The following CSMD1 variants were observed in gnomAD, a reference collection of about 807,000 sequenced individuals.
CSMD1 encodes the protein CUB and Sushi multiple domains 1.
A neutral mutation model predicts 417.5 loss-of-function variants in CSMD1; 213 were observed. That is an observed-to-expected ratio of 0.51 (90% CI 0.46 to 0.57). The LOEUF (loss-of-function observed/expected upper bound fraction) is 0.57. CSMD1 is among the 20% of genes least tolerant of loss of function. The pLI is 0.00. For synonymous variants in CSMD1, 2,862 were observed against 1,736.8 expected, an observed-to-expected ratio of 1.65 and a Z score of -16.11; for missense variants, 6,923 against 4,529.7, an observed-to-expected ratio of 1.53 and a Z score of -15.17.
chr8:4,576,147 A>G (rs1374529521), intron 2 of CSMD1, among the ~76,000 whole-genome samples: 1 of 152,262 alleles, frequency 6.6e-6, no homozygotes, highest in Non-Finnish European at 1.5e-5. Flanking sequence ...AATTGCAGAA[A>G]GTATGCAGGA....
At chr8:3,576,724 C>T (rs375350169) in intron 9 of CSMD1, among the ~76,000 whole-genome samples, 2 of 152,194 alleles carry the variant, frequency 1.3e-5, no homozygotes, top group African/African-American at 2.4e-5. Flanking sequence ...CCCTCTTATA[C>T]ACTAATATCT....
Position 4,043,404 on chromosome 8 carries a change from G to T in CSMD1, c.416-11305C>A, listed in dbSNP as rs577657399. On this transcript the variant is annotated intron_variant, in intron 3 of 69. Transcript: ENST00000635120. ...AGCCACACCAATAAACATAGGAAGCGTAAATGACATGAACCTCACACCTGC... is the reference window on the plus strand; with the variant it reads ...AGCCACACCAATAAACATAGGAAGCTTAAATGACATGAACCTCACACCTGC... Among the ~76,000 whole-genome samples, 12 of 152,256 alleles carry T rather than the reference G, an allele frequency of 7.9e-5. No individual in the cohort carries two copies. In the East Asian group the frequency reaches 1.5e-3, roughly 20 times the overall value.
At position 3,215,853 on chromosome 8, in the gene CSMD1, T is replaced by C. The variant is rs146996737; in HGVS notation, c.4673-1162A>G. ...AGCTCTGGAGGAAGAAAAAGAGACCTGATTAACTGTATTTATTCAATATTT... is the reference window on the plus strand; with the variant it reads ...AGCTCTGGAGGAAGAAAAAGAGACCCGATTAACTGTATTTATTCAATATTT... On this transcript the variant is annotated intron_variant, in intron 29 of 69. Coordinates refer to ENST00000635120, the MANE Select transcript of CSMD1 (RefSeq NM_033225.6). 3.1e-3 allele frequency among the ~76,000 whole-genome samples: 475 copies of C among 152,086 alleles called. 4 individuals are homozygous for C. Among genetic ancestry groups the C allele is most frequent in the African/African-American group, 0.011 (440 of 41,542 alleles).
At chr8:3,317,104 C>T (rs1487622167) in intron 23 of CSMD1, among the ~76,000 whole-genome samples, 2 of 152,002 alleles carry the variant, frequency 1.3e-5, no homozygotes, top group Admixed American at 6.6e-5. Flanking sequence ...GAAGAGAGGA[C>T]ACCAGAGAAA....
intron 5 of CSMD1, among the ~76,000 whole-genome samples, chr8:3,847,405 G>C (rs1803580392): frequency 6.6e-6 from 1 of 152,164 alleles, no homozygotes; most frequent in Admixed American, 6.5e-5. Context: ...ACTGCCCAGT[G>C]TGGGGAGGGA....
chr8:3,364,251 C>A (rs968982237), intron 20 of CSMD1, among the ~76,000 whole-genome samples: 2 of 152,150 alleles, frequency 1.3e-5, no homozygotes, highest in African/African-American at 4.8e-5. Flanking sequence ...ACTCCTCTAA[C>A]ATACCTGAAG....
chr8:2,951,997 T>C (rs1045979440), intron 65 of CSMD1, among the ~76,000 whole-genome samples: 5 of 152,218 alleles, frequency 3.3e-5, no homozygotes, highest in Non-Finnish European at 7.3e-5. Context: ...ACAGGAAAAC[T>C]TAACAAAGAT....
intron 1 of CSMD1, among the ~76,000 whole-genome samples, chr8:4,718,678 G>A (rs1442618916): frequency 6.6e-6 from 1 of 151,850 alleles, no homozygotes; most frequent in African/African-American, 2.4e-5. Flanking sequence ...TTTAAACTAA[G>A]AAAGAATTCA....
chr8:3,855,778 G>C (rs1322187730), intron 5 of CSMD1, among the ~76,000 whole-genome samples: 2 of 152,142 alleles, frequency 1.3e-5, no homozygotes, highest in Non-Finnish European at 2.9e-5. Flanking sequence ...GACTTTCTGA[G>C]TAAAGACAAG....
At chr8:4,252,690 T>C (rs1183402897) in intron 3 of CSMD1, among the ~76,000 whole-genome samples, 2 of 152,218 alleles carry the variant, frequency 1.3e-5, no homozygotes, top group Non-Finnish European at 2.9e-5. Context: ...ACCAGTGAAA[T>C]GCTAACAATA....
intron 41 of CSMD1, among the ~76,000 whole-genome samples, chr8:3,140,757 C>T (rs752748922): frequency 9.3e-5 from 14 of 151,342 alleles, no homozygotes; most frequent in Non-Finnish European, 1.8e-4. Context: ...CTAGATTTAA[C>T]GTTTTCAACC....
intron 5 of CSMD1, among the ~76,000 whole-genome samples, chr8:3,881,797 C>T (rs918784899): frequency 6.6e-6 from 1 of 152,050 alleles, no homozygotes; most frequent in African/African-American, 2.4e-5. Context: ...GGAAAGACAG[C>T]TAAGCAAAGG....
At chr8:4,866,770 C>G (rs1376867613) in intron 1 of CSMD1, among the ~76,000 whole-genome samples, 2 of 151,942 alleles carry the variant, frequency 1.3e-5, no homozygotes, top group Non-Finnish European at 2.9e-5. Flanking sequence ...TTATTATAAA[C>G]ACAAGGTAAT....
intron 1 of CSMD1, among the ~76,000 whole-genome samples, chr8:4,857,481 C>T (rs993888939): frequency 3.9e-5 from 6 of 151,928 alleles, no homozygotes; most frequent in East Asian, 3.9e-4. Context: ...TCCAGGAGCT[C>T]GTTTTTTGAA....
intron 30 of CSMD1, among the ~76,000 whole-genome samples, chr8:3,211,065 G>C (rs527363885): frequency 6.6e-6 from 1 of 152,112 alleles, no homozygotes; most frequent in Non-Finnish European, 1.5e-5. Context: ...GTTTTCTTGA[G>C]ATAAGGTATT....
chr8:3,075,492 G>T (rs1813595504), intron 49 of CSMD1, among the ~76,000 whole-genome samples: 1 of 151,372 alleles, frequency 6.6e-6, no homozygotes, highest in South Asian at 2.1e-4. Flanking sequence ...CGTTGGTCAG[G>T]CTGGTCTCGA....
chr8:4,846,262 T>C (rs947259680), intron 1 of CSMD1, among the ~76,000 whole-genome samples: 15 of 152,214 alleles, frequency 9.9e-5, no homozygotes, highest in East Asian at 1.9e-4. Context: ...AATTTGGAAA[T>C]GTGTGAAGTA....
intron 5 of CSMD1, among the ~76,000 whole-genome samples, chr8:3,912,762 T>C (rs74689123): frequency 6.6e-6 from 1 of 152,192 alleles, no homozygotes; most frequent in Non-Finnish European, 1.5e-5. Context: ...TCTGCTCTTG[T>C]AGCTCAAGGT....
chr8:4,354,394 T>G (rs1350300468), intron 3 of CSMD1, among the ~76,000 whole-genome samples: 1 of 152,188 alleles, frequency 6.6e-6, no homozygotes, highest in Admixed American at 6.5e-5. Flanking sequence ...ACTATTAAAA[T>G]ACACCGTTCC....
Sources: allele counts gnomAD v4.1 joint callset (sites outside exome capture counted in the v4.1 genomes callset), GRCh38; gene constraint gnomAD v4.1.1; transcripts MANE v1.5; gene names NCBI Gene and HGNC (gene_info 2026-07-23, HGNC 2026-07-21).